The following FYB1 variants were observed in gnomAD, a reference collection of about 807,000 sequenced individuals.
FYB1 encodes the protein FYN binding protein 1.
A neutral mutation model predicts 94.1 loss-of-function variants in FYB1; 41 were observed. The observed-to-expected ratio is 0.44, with a 90% CI of 0.34 to 0.57. The LOEUF is 0.57. Among genes scored for constraint, FYB1 ranks in the 20% least tolerant of loss-of-function variants. FYB1 has a pLI of 0.02. For missense variants in FYB1, 1,050 were observed against 976.8 expected (o/e 1.07, Z -1.00); for synonymous variants, 367 against 353.2 (o/e 1.04, Z -0.44).
chr5:39,184,031 G>C (rs2150434188), intron 2 of FYB1, among the ~76,000 whole-genome samples: 1 of 152,242 alleles, frequency 6.6e-6, no homozygotes, highest in South Asian at 2.1e-4. Context: ...AAATTTATAT[G>C]ATCTACTGGC....
intron 1 of FYB1, among the ~76,000 whole-genome samples, chr5:39,253,232 A>C (rs985670169): frequency 6.6e-6 from 1 of 152,232 alleles, no homozygotes; most frequent in African/African-American, 2.4e-5. Flanking sequence ...ACAATGCAAG[A>C]ATGTGAACTG....
At position 39,230,253 on chromosome 5, in the gene FYB1, G is replaced by A. The variant is rs1320395818; in HGVS notation, c.-27-27266C>T. Among the ~76,000 whole-genome samples the A allele has an allele frequency of 2.0e-5, 3 of 152,186 alleles. No homozygotes were observed. The East Asian group carries it at 5.8e-4, about 29-fold the overall frequency. ...AGGATCGTTATACATGGAAGCAGATGGCAGGAAGGCCAGTGTCAGAGTGAT... is the reference window on the plus strand; with the variant it reads ...AGGATCGTTATACATGGAAGCAGATAGCAGGAAGGCCAGTGTCAGAGTGAT... On this transcript the variant is annotated intron_variant, in intron 1 of 1. Coordinates refer to the FYB1 transcript ENST00000510188.
At chr5:39,159,942 C>A (rs985353382) in intron 2 of FYB1, among the ~76,000 whole-genome samples, 1 of 152,042 alleles carries the variant, frequency 6.6e-6, no homozygotes, top group African/African-American at 2.4e-5. Context: ...CAACAGTATC[C>A]TTTTTTAACC....
chr5:39,211,685 AT>A (rs2150526498), intron 1 of FYB1, among the ~76,000 whole-genome samples: 1 of 152,324 alleles, frequency 6.6e-6, no homozygotes, highest in Admixed American at 6.5e-5. Context: ...GAAGTCTGAA[AT>A]AAAAATCTTT....
chr5:39,105,604 A>C lies in FYB1; in HGVS notation c.*1839T>G, dbSNP rs1760329442. On this transcript the variant is annotated 3_prime_UTR_variant, in exon 19 of 19. Coordinates refer to ENST00000512982, the MANE Select transcript of FYB1 (RefSeq NM_001465.6). ...CTGGAAGTGTCTCAGGGCACTCTGAAAGTTTAGCAAGCTTATCAAGGAGTC... is the reference window on the plus strand; with the variant it reads ...CTGGAAGTGTCTCAGGGCACTCTGACAGTTTAGCAAGCTTATCAAGGAGTC... 1 of 152,148 alleles carries C rather than the reference A, an allele frequency of 6.6e-6. No individual in the cohort carries two copies. The highest frequency in any genetic ancestry group is 1.5e-5 in the Non-Finnish European group (1 of 68,016). The allele number at this position is 152,148 out of a possible 1,614,324, so 9.4% of individuals were successfully genotyped here. A position where few individuals can be genotyped will look rare whatever the true frequency, so the allele number is the denominator to read the frequency against.
chr5:39,131,841 G>C (rs1363722792), intron 9 of FYB1, among the ~76,000 whole-genome samples: 2 of 152,116 alleles, frequency 1.3e-5, no homozygotes, highest in African/African-American at 4.8e-5. Context: ...TTGGAATAAG[G>C]AGCAAAGCTC....
rs1270557550 is a variant in FYB1, at chr5:39,141,129, A to T, written c.1305T>A (p.Asn435Lys). The T allele has an allele frequency of 1.7e-5, 27 of 1,594,018 alleles. No individual in the cohort carries two copies. Among genetic ancestry groups the T allele is most frequent in the Non-Finnish European group, 2.3e-5 (27 of 1,168,560 alleles). ...GCGTGACACCATCTTGATTGTCTTC[A>T]TTGACAGGGCTTCTGAAAACGAGAA... is the stretch of plus-strand genomic sequence containing the variant. ...KPPFDLKSPVNEDNQDGVTHS... is the reference protein window; with the variant it reads ...KPPFDLKSPVKEDNQDGVTHS... The change falls in exon 4 of 19, where the codon AAT becomes AAA. Residue 435 changes from asparagine to lysine, a missense_variant. By Grantham distance (94) the Asn-to-Lys change is moderately conservative. Transcript: ENST00000512982.
intron 9 of FYB1, among the ~76,000 whole-genome samples, chr5:39,133,837 G>T (rs1741421298): frequency 6.6e-6 from 1 of 151,958 alleles, no homozygotes; most frequent in South Asian, 2.1e-4. Context: ...TAGAATCAGA[G>T]ATTTATGAGA....
At chr5:39,255,501 C>T (rs1179919469) in intron 1 of FYB1, among the ~76,000 whole-genome samples, 1 of 151,312 alleles carries the variant, frequency 6.6e-6, no homozygotes, top group African/African-American at 2.4e-5. Flanking sequence ...TTTTAACCAC[C>T]CCTAAATTCC....
intron 1 of FYB1, among the ~76,000 whole-genome samples, chr5:39,255,708 CA>C (rs1278648291): frequency 6.6e-6 from 1 of 152,082 alleles, no homozygotes; most frequent in African/African-American, 2.4e-5. Context: ...ACTTTAAAGC[CA>C]AAGGGAAACT....
Position 39,251,544 on chromosome 5 carries a change from G to A in FYB1, c.-28+22859C>T, listed in dbSNP as rs141867939. 5.0e-3 allele frequency among the ~76,000 whole-genome samples: 764 copies of A among 152,214 alleles called. 6 individuals are homozygous for A. Among genetic ancestry groups the A allele is most frequent in the Non-Finnish European group, 4.8e-3 (325 of 68,016 alleles). On this transcript the variant is annotated intron_variant, in intron 1 of 1. Transcript: ENST00000510188. ...GAGAATAGGTAGGGCTACTTGAGTA[G>A]TTGGAAAAAATCTCTAAAGAGCAAA... is the stretch of plus-strand genomic sequence containing the variant.
At position 39,141,076 on chromosome 5, in the gene FYB1, A is replaced by T. The variant is rs1742134449; in HGVS notation, c.1339+19T>A. 5 of 1,531,306 alleles carry T rather than the reference A, an allele frequency of 3.3e-6. No individual in the cohort carries two copies. The East Asian group carries it at 9.4e-5, about 29-fold the overall frequency. The allele number at this position is 1,531,306 out of a possible 1,614,324, so 94.9% of individuals were successfully genotyped here. ...CTGAGTTTACAAATAAATAAATAAAATATGTTTTTGTCGTTTACCATCAGA... is the reference window on the plus strand; with the variant it reads ...CTGAGTTTACAAATAAATAAATAAATTATGTTTTTGTCGTTTACCATCAGA... On this transcript the variant is annotated intron_variant, in intron 4 of 18. Transcript: ENST00000512982.
chr5:39,242,070 T>C lies in FYB1; in HGVS notation c.-28+32333A>G, dbSNP rs79492193. On this transcript the variant is annotated intron_variant, in intron 1 of 1. Transcript: ENST00000510188. ...GGAACTGTTAAATCACTATTTTTTT[T>C]CCCTCTCAGTTGAAACAAAGCCAAC... 8.9e-4 allele frequency among the ~76,000 whole-genome samples: 135 copies of C among 152,294 alleles called. No homozygotes were observed. In the East Asian group the frequency reaches 0.024, roughly 27 times the overall value.
intron 16 of FYB1, among the ~76,000 whole-genome samples, chr5:39,117,388 T>C (rs1739676272): frequency 6.6e-6 from 1 of 152,204 alleles, no homozygotes; most frequent in South Asian, 2.1e-4. Flanking sequence ...CATTTTTTGA[T>C]GAACTTTTGA....
At chr5:39,151,446 T>G (rs1280376424) in intron 3 of FYB1, among the ~76,000 whole-genome samples, 1 of 152,100 alleles carries the variant, frequency 6.6e-6, no homozygotes, top group African/African-American at 2.4e-5. Context: ...TGCACCATCA[T>G]GCCCAGCTAA....
At chr5:39,262,576 G>A (rs1752268895) in intron 1 of FYB1, among the ~76,000 whole-genome samples, 1 of 152,174 alleles carries the variant, frequency 6.6e-6, no homozygotes, top group African/African-American at 2.4e-5. Flanking sequence ...TGACCTTAAA[G>A]AACAAGTTGC....
intron 17 of FYB1, among the ~76,000 whole-genome samples, chr5:39,109,843 T>A (rs540663664): frequency 6.6e-6 from 1 of 152,268 alleles, no homozygotes; most frequent in Admixed American, 6.6e-5. Flanking sequence ...GAATCATTGA[T>A]GACTGTCTTT....
chr5:39,270,194 T>G (rs1428076470), intron 1 of FYB1, among the ~76,000 whole-genome samples: 2 of 152,192 alleles, frequency 1.3e-5, no homozygotes, highest in Non-Finnish European at 2.9e-5. Flanking sequence ...CATTAATGTT[T>G]CCCAACATTC....
intron 2 of FYB1, among the ~76,000 whole-genome samples, chr5:39,175,167 G>A (rs77194502): frequency 6.6e-6 from 1 of 152,248 alleles, no homozygotes; most frequent in East Asian, 1.9e-4. Context: ...TAGGAAAAGA[G>A]AACAGAATGG....
Sources: gnomAD v4.1 joint callset for allele counts (sites outside exome capture counted in the v4.1 genomes callset) on GRCh38, gnomAD v4.1.1 for gene constraint, MANE v1.5 for transcripts, NCBI Gene and HGNC (gene_info 2026-07-23, HGNC 2026-07-21) for gene names.